The following AMZ1 variants were observed in gnomAD, a reference collection of about 807,000 sequenced individuals.
AMZ1 encodes archaemetzincin-1.
Under a neutral mutation model 29.9 loss-of-function variants are expected in AMZ1, and 39 were observed. That is an observed-to-expected ratio of 1.30 (90% CI 1.01 to 1.70). The LOEUF is 1.70. AMZ1 is among the 40% of genes most tolerant of loss of function. The pLI is 0.00. For missense variants in AMZ1, 1,041 were observed against 680.6 expected (o/e 1.53, Z -5.89); for synonymous variants, 458 against 304.0 (o/e 1.51, Z -5.27).
chr7:2,722,633 C>T (rs990151359), downstream of AMZ1, among the ~76,000 whole-genome samples: 22 of 152,258 alleles, frequency 1.4e-4, no homozygotes, highest in African/African-American at 3.9e-4. Flanking sequence ...TTTTGAGATT[C>T]GAGACTGACA....
chr7:2,755,140 C>T (rs1305773801), intron 4 of AMZ1, among the ~76,000 whole-genome samples: 2 of 152,186 alleles, frequency 1.3e-5, no homozygotes, highest in Non-Finnish European at 2.9e-5. Context: ...TCTCCCTGCG[C>T]CAGCACCACA....
chr7:2,700,484 C>T lies in AMZ1; in HGVS notation c.33C>T (p.Ser11=), dbSNP rs759112499. 5 of 1,603,538 alleles carry T rather than the reference C, an allele frequency of 3.1e-6. No homozygotes were observed. Among genetic ancestry groups the T allele is most frequent in the Non-Finnish European group, 3.4e-6 (4 of 1,179,866 alleles). ...AGTGTAGACCCGCACAGGAGTTCAG[C>T]TTCGGGCCCCGGGCCTTGAAGGACG... MLQCRPAQEF[S]FGPRALKDAL... is the part of the protein sequence containing the mutation. The change falls in exon 2 of 7, where the codon AGC becomes AGT. Residue 11 remains serine (S), a synonymous_variant. Coordinates refer to ENST00000683327, the MANE Select transcript of AMZ1 (RefSeq NM_001384743.1).
Position 2,742,927 on chromosome 7 carries a change from T to C in AMZ1, n.551-21785T>C, listed in dbSNP as rs191427970. Among the ~76,000 whole-genome samples, 629 of 152,378 alleles carry C rather than the reference T, an allele frequency of 4.1e-3. 2 individuals are homozygous for C. The highest frequency in any genetic ancestry group is 0.034 in the Middle Eastern group (10 of 292). ...TCTGTATTCATTCTAATAATAGACC[T>C]GTAGGTTCTTCTCAATTTTCCAGGT... On this transcript the variant is annotated intron_variant and non_coding_transcript_variant, in intron 4 of 4. Coordinates refer to the AMZ1 transcript ENST00000489665.
chr7:2,697,567 G>T (rs1787817598), intron 1 of AMZ1, among the ~76,000 whole-genome samples: 1 of 151,966 alleles, frequency 6.6e-6, no homozygotes, highest in South Asian at 2.1e-4. Flanking sequence ...GGGACTACAG[G>T]TGCGCGTCAC....
chr7:2,688,330 A>G (rs1031689088), intron 1 of AMZ1, 34 bp downstream of exon 1: 1 of 149,068 alleles, frequency 6.7e-6, no homozygotes, highest in Non-Finnish European at 1.5e-5. Flanking sequence ...TCGGGGGCGC[A>G]GGGACCGAGA....
chr7:2,716,146 A>C lies in AMZ1; in HGVS notation c.*3268A>C, dbSNP rs1789109979. On this transcript the variant is annotated 3_prime_UTR_variant, in exon 7 of 7. Transcript: ENST00000683327. ...GTGTGCGATGAGTCTGGGGAAGCTAACACATGCCTTCTGAAGTGGCTAGAA... is the reference window on the plus strand; with the variant it reads ...GTGTGCGATGAGTCTGGGGAAGCTACCACATGCCTTCTGAAGTGGCTAGAA... 6.6e-6 allele frequency: 1 copy of C among 152,246 alleles called. No homozygotes were observed. The highest frequency in any genetic ancestry group is 1.5e-5 in the Non-Finnish European group (1 of 68,056). 9.4% of individuals were successfully genotyped at this position (152,246 alleles called of 1,614,324 possible). A position where few individuals can be genotyped will look rare whatever the true frequency, so the allele number is the denominator to read the frequency against.
At chr7:2,695,880 G>C (rs951635471) in intron 1 of AMZ1, among the ~76,000 whole-genome samples, 1 of 151,718 alleles carries the variant, frequency 6.6e-6, no homozygotes, top group South Asian at 2.1e-4. Context: ...CGTGGTGGCG[G>C]GCACCTGTAG....
At position 2,700,391 on chromosome 7, in the gene AMZ1, C is replaced by A; in HGVS notation, c.-61C>A. 1 of 1,546,812 alleles carries A rather than the reference C, an allele frequency of 6.5e-7. No individual in the cohort carries two copies. Among genetic ancestry groups the A allele is most frequent in the Non-Finnish European group, 8.7e-7 (1 of 1,150,030 alleles). On this transcript the variant is annotated 5_prime_UTR_variant, in exon 2 of 7. Coordinates refer to ENST00000683327, the MANE Select transcript of AMZ1 (RefSeq NM_001384743.1). Reference sequence around the variant, plus strand: ...TTCTGGACGAGACCGTGGCCGTCCCCCGGGTGGCCCATGGACAGCAGCAGG... The same window carrying A: ...TTCTGGACGAGACCGTGGCCGTCCCACGGGTGGCCCATGGACAGCAGCAGG...
intron 3 of AMZ1, among the ~76,000 whole-genome samples, chr7:2,707,061 G>A (rs1788395808): frequency 6.6e-6 from 1 of 152,112 alleles, no homozygotes; most frequent in African/African-American, 2.4e-5. Context: ...GATCACGAGG[G>A]TAGGAGTTTG....
intron 4 of AMZ1, among the ~76,000 whole-genome samples, chr7:2,737,269 G>GTTTTTTTTTTTTTT (rs1317020597): frequency 1.6e-4 from 6 of 38,124 alleles, no homozygotes; most frequent in East Asian, 1.0e-3. Context: ...TCACAGTTTT[G>GTTTTTTTTTTTTTT]TTTTGTTTTT....
rs1788879963 is a variant in AMZ1 at position 2,712,763 on chromosome 7, T to TG, written c.1386dup (p.Leu463AlafsTer85). ...GACCCACCCAGCAGCAGGGACAGCGTGGGGCTGCGCAAGGTGCTGGGGGAC... is the reference window on the plus strand; with the variant it reads ...GACCCACCCAGCAGCAGGGACAGCGTGGGGGCTGCGCAAGGTGCTGGGGGAC... On this transcript the variant is annotated frameshift_variant, in exon 7 of 7. Transcript: ENST00000683327. LOFTEE classifies it low-confidence loss of function (END_TRUNC). The TG allele has an allele frequency of 6.3e-7, 1 of 1,597,686 alleles. No homozygotes were observed. The highest frequency in any genetic ancestry group is 8.5e-7 in the Non-Finnish European group (1 of 1,170,712).
Position 2,706,213 on chromosome 7 carries a change from T to C in AMZ1, c.473-2375T>C, listed in dbSNP as rs1788346616. On this transcript the variant is annotated intron_variant, in intron 3 of 6. Transcript: ENST00000683327. The stretch of plus-strand genomic sequence containing the variant: ...TTTTTAGAGATGGGGTCTTGCTTTG[T>C]GACCCAGGCTCAAGCGCAGTGGTGC... Among the ~76,000 whole-genome samples the C allele has an allele frequency of 5.3e-5, 8 of 152,330 alleles. No homozygotes were observed. In the South Asian group the frequency reaches 1.7e-3, roughly 32 times the overall value.
chr7:2,696,458 CAT>C (rs1787743948), intron 1 of AMZ1, among the ~76,000 whole-genome samples: 1 of 150,360 alleles, frequency 6.7e-6, no homozygotes, highest in African/African-American at 2.4e-5. Context: ...GGGGTTTCAC[CAT>C]GTTAGCCAGG....
In AMZ1 at chr7:2,709,224, G is replaced by C. The variant is rs1278276169; in HGVS notation, c.751G>C (p.Gly251Arg). 3.3e-6 allele frequency: 5 copies of C among 1,508,318 alleles called. No individual in the cohort carries two copies. The Admixed American group carries it at 7.0e-5, about 21-fold the overall frequency. The allele number at this position is 1,508,318 out of a possible 1,614,324, so 93.4% of individuals were successfully genotyped here. Reference protein sequence around the residue: ...RGWALCFSALGMVQCCKVTCH... With the variant: ...RGWALCFSALRMVQCCKVTCH... ...CTGGGCCCTGTGCTTCAGTGCCCTG[G>C]GGATGGTTCAGTGCTGCAAGGTGGG... The change falls in exon 5 of 7, where the codon GGG becomes CGG. Residue 251 changes from glycine to arginine, a missense_variant. Transcript: ENST00000683327.
In AMZ1 at chr7:2,718,623, G is replaced by T. The variant is rs543676643; in HGVS notation, c.*5745G>T. Among the ~76,000 whole-genome samples, 7 of 152,356 alleles carry T rather than the reference G, an allele frequency of 4.6e-5. No homozygotes were observed. Among genetic ancestry groups the T allele is most frequent in the Admixed American group, 6.5e-5 (1 of 15,312 alleles). ...CCAGTCTGAAGCCGACGCCCCTCTCGGTCAGGCTTTCAGCAGCAGAAGGCA... is the reference window on the plus strand; with the variant it reads ...CCAGTCTGAAGCCGACGCCCCTCTCTGTCAGGCTTTCAGCAGCAGAAGGCA... On this transcript the variant is annotated 3_prime_UTR_variant, in exon 7 of 7. Transcript: ENST00000683327.
At chr7:2,699,825 C>G (rs1220425217) in intron 1 of AMZ1, among the ~76,000 whole-genome samples, 1 of 152,028 alleles carries the variant, frequency 6.6e-6, no homozygotes, top group Non-Finnish European at 1.5e-5. Flanking sequence ...GGTCTCTCTT[C>G]CCTCCAAGGC....
intron 1 of AMZ1, among the ~76,000 whole-genome samples, chr7:2,690,221 G>C (rs572575582): frequency 9.9e-4 from 151 of 152,120 alleles, no homozygotes; most frequent in Non-Finnish European, 1.5e-3. Context: ...GAGAGAGAGA[G>C]AGACAGACAG....
rs143816381 is a variant in AMZ1, at chr7:2,712,688, C to T, written c.1307C>T (p.Ala436Val). 3,470 of 1,612,368 alleles carry T rather than the reference C, an allele frequency of 2.2e-3. 15 individuals are homozygous for T. The East Asian group carries it at 0.023, about 11-fold the overall frequency. ...GTGCAGGTGGACAGAGCCGTGGACG[C>T]CCTCGACCGCTGGGAGATGTTCACG... ...DLVQVDRAVDALDRWEMFTGQ... is the reference protein window; with the variant it reads ...DLVQVDRAVDVLDRWEMFTGQ... The change falls in exon 7 of 7, where the codon GCC becomes GTC. Residue 436 changes from alanine to valine, a missense_variant. Physicochemically the swap from Ala to Val is moderately conservative, Grantham distance 64 (BLOSUM62 0). Coordinates refer to ENST00000683327, the MANE Select transcript of AMZ1 (RefSeq NM_001384743.1).
intron 4 of AMZ1, among the ~76,000 whole-genome samples, chr7:2,741,678 G>C (rs137965504): frequency 2.0e-5 from 3 of 151,930 alleles, no homozygotes; most frequent in African/African-American, 7.2e-5. Flanking sequence ...TTTATCCTTC[G>C]CTCGCTCTCT....
Sources: allele counts gnomAD v4.1 joint callset (sites outside exome capture counted in the v4.1 genomes callset), GRCh38; gene constraint gnomAD v4.1.1; transcripts MANE v1.5; gene names NCBI Gene and HGNC (gene_info 2026-07-23, HGNC 2026-07-21).